Variants in ARHGAP17 observed in about 807,000 individuals in gnomAD.
ARHGAP17 encodes rho GTPase-activating protein 17.
A neutral mutation model predicts 99.5 loss-of-function variants in ARHGAP17; 57 were observed. That is an observed-to-expected ratio of 0.57 (90% confidence interval 0.46 to 0.71). The LOEUF (loss-of-function observed/expected upper bound fraction) is 0.71, where lower values mean the gene tolerates loss of function less well. Among genes scored for constraint, ARHGAP17 ranks in the 30% least tolerant of loss-of-function variants. The probability of loss-of-function intolerance (pLI) is 0.00; values close to 1 mark genes in which losing one functional copy is unlikely to be tolerated. For missense variants in ARHGAP17, 1,000 were observed against 1,122.4 expected, an observed-to-expected ratio of 0.89 and a Z score of 1.56; for synonymous variants, 417 against 429.6, an observed-to-expected ratio of 0.97 and a Z score of 0.36.
intron 1 of ARHGAP17, among the ~76,000 whole-genome samples, chr16:24,979,653 G>A (rs1597445912): frequency 6.6e-6 from 1 of 152,036 alleles, no homozygotes; most frequent in Middle Eastern, 3.4e-3. Context: ...AATCAGAAGG[G>A]GGCATTCCGA....
At chr16:24,973,125 A>G (rs2141332206) in intron 3 of ARHGAP17, among the ~76,000 whole-genome samples, 1 of 152,286 alleles carries the variant, frequency 6.6e-6, no homozygotes, top group Non-Finnish European at 1.5e-5. Context: ...GTGCAGCACC[A>G]TGCCTGGCCA....
At position 24,939,573 on chromosome 16, in the gene ARHGAP17, G is replaced by A; in HGVS notation, c.1515C>T (p.Phe505=). Residue 505 remains phenylalanine, a synonymous_variant, in exon 17 of 20, where the codon TTC becomes TTT. Transcript: ENST00000289968. The stretch of plus-strand genomic sequence containing the variant: ...GAGTGCCACCCCGCCGGTGGGCCTG[G>A]AAGTCCATAAGCTTCACACCAAAGC... The part of the protein sequence containing the change: ...KESFGVKLMD[F]QAHRRGGTLN... 6.2e-7 allele frequency: 1 copy of A among 1,607,330 alleles called. No homozygotes were observed. The highest frequency in any genetic ancestry group is 2.2e-5 in the East Asian group (1 of 44,678).
intron 19 of ARHGAP17, chr16:24,920,477 C>T (rs4788439): frequency 0.14 from 70,314 of 513,354 alleles, 12,835 homozygotes; most frequent in African/African-American, 0.65. Flanking sequence ...TGGGCTCCGA[C>T]GTTGCTTGCT....
At chr16:24,967,437 A>C (rs967318742) in intron 6 of ARHGAP17, among the ~76,000 whole-genome samples, 6 of 152,248 alleles carry the variant, frequency 3.9e-5, no homozygotes, top group African/African-American at 1.4e-4. Flanking sequence ...AGCAGGAAAC[A>C]GGACTGAGGC....
At chr16:24,986,315 A>G (rs1432953325) in intron 1 of ARHGAP17, among the ~76,000 whole-genome samples, 1 of 152,156 alleles carries the variant, frequency 6.6e-6, no homozygotes, top group Non-Finnish European at 1.5e-5. Context: ...CCCAGCACTA[A>G]TAAGTGGGAT....
intron 19 of ARHGAP17, among the ~76,000 whole-genome samples, chr16:24,921,451 TGTG>T (rs2050718323): frequency 6.6e-6 from 1 of 152,198 alleles, no homozygotes; most frequent in Non-Finnish European, 1.5e-5. Flanking sequence ...CCCTACTTGC[TGTG>T]GTGCAAAATG....
rs534666435 is a variant in ARHGAP17, at chr16:25,000,646, G to A, written c.53+14563C>T. On this transcript the variant is annotated intron_variant, in intron 1 of 19. Transcript: ENST00000289968. Reference sequence around the variant, plus strand: ...TTCCTAAAGACTGCCCTGAGATTCAGAGGCTACAATTCAGTCTACTGCCTT... The same window carrying A: ...TTCCTAAAGACTGCCCTGAGATTCAAAGGCTACAATTCAGTCTACTGCCTT... 3.9e-5 allele frequency among the ~76,000 whole-genome samples: 6 copies of A among 152,286 alleles called. No homozygotes were observed. The East Asian group carries it at 1.2e-3, about 29-fold the overall frequency.
At position 24,986,480 on chromosome 16, in the gene ARHGAP17, G is replaced by GA. The variant is rs369534699; in HGVS notation, c.54-7476dup. 1.9e-3 allele frequency among the ~76,000 whole-genome samples: 291 copies of GA among 152,090 alleles called. 2 individuals carry two copies. The highest frequency in any genetic ancestry group is 6.8e-3 in the African/African-American group (283 of 41,496). The stretch of plus-strand genomic sequence containing the variant: ...AAGAATGGTTATTTTAAAATGATTG[G>GA]AAAAAAACAAAATAATAATATTTGG... On this transcript the variant is annotated intron_variant, in intron 1 of 19. Coordinates refer to ENST00000289968, the MANE Select transcript of ARHGAP17 (RefSeq NM_001006634.3).
chr16:24,955,000 C>A (rs894843720), intron 9 of ARHGAP17: 6 of 405,112 alleles, frequency 1.5e-5, no homozygotes, highest in Non-Finnish European at 2.7e-5. Flanking sequence ...TGGCACGCTG[C>A]ACCTGCACCA....
At chr16:24,965,863 T>G (rs528000928) in intron 6 of ARHGAP17, among the ~76,000 whole-genome samples, 1 of 152,248 alleles carries the variant, frequency 6.6e-6, no homozygotes. Context: ...ATGTCTGGCA[T>G]ATAATGGATT....
chr16:25,003,751 G>C (rs79406364), intron 1 of ARHGAP17, among the ~76,000 whole-genome samples: 5,806 of 151,840 alleles, frequency 0.038, 360 homozygotes, highest in African/African-American at 0.13. Context: ...TTGAACCTTG[G>C]AGCAGAGGTT....
At chr16:25,013,720 T>C (rs996081210) in intron 1 of ARHGAP17, 1 of 151,922 alleles carries the variant, frequency 6.6e-6, no homozygotes, top group Admixed American at 6.6e-5. Context: ...GAACTTTGTA[T>C]AAAAAGAGTG....
intron 1 of ARHGAP17, among the ~76,000 whole-genome samples, chr16:25,008,881 A>C (rs2053573565): frequency 1.3e-5 from 2 of 152,202 alleles, no homozygotes; most frequent in African/African-American, 2.4e-5. Flanking sequence ...ACTCAACTAT[A>C]AATACTTCTG....
intron 1 of ARHGAP17, among the ~76,000 whole-genome samples, chr16:25,004,670 T>C (rs1385531819): frequency 6.6e-6 from 1 of 152,158 alleles, no homozygotes; most frequent in African/African-American, 2.4e-5. Flanking sequence ...GGCCAAACCA[T>C]GTGGAAGAAC....
At chr16:25,011,773 G>A (rs2053649681) in intron 1 of ARHGAP17, among the ~76,000 whole-genome samples, 1 of 151,596 alleles carries the variant, frequency 6.6e-6, no homozygotes, top group African/African-American at 2.4e-5. Context: ...AGGCTCTTTT[G>A]GTCACTTATG....
At chr16:25,013,249 G>A (rs2053688420) in intron 1 of ARHGAP17, among the ~76,000 whole-genome samples, 1 of 152,188 alleles carries the variant, frequency 6.6e-6, no homozygotes, top group Non-Finnish European at 1.5e-5. Context: ...AGGCTTCCAG[G>A]AGTTCCAAGT....
intron 18 of ARHGAP17, among the ~76,000 whole-genome samples, chr16:24,934,360 C>T (rs1308523971): frequency 6.6e-6 from 1 of 152,060 alleles, no homozygotes; most frequent in African/African-American, 2.4e-5. Context: ...TGGGGTTTCA[C>T]CATGTTGGCC....
intron 18 of ARHGAP17, among the ~76,000 whole-genome samples, chr16:24,933,703 G>C (rs1164319411): frequency 3.3e-5 from 5 of 151,886 alleles, no homozygotes; most frequent in Admixed American, 2.0e-4. Context: ...GAAATTTAAG[G>C]GTGTGAAGAG....
intron 19 of ARHGAP17, 47 bp from the exon 20 acceptor site, chr16:24,920,307 C>G (rs747354720): frequency 6.2e-7 from 1 of 1,607,358 alleles, no homozygotes; most frequent in Non-Finnish European, 8.5e-7. Context: ...GGGTAACCCC[C>G]GAGAGGCCAC....
Sources: allele counts gnomAD v4.1 joint callset (sites outside exome capture counted in the v4.1 genomes callset), GRCh38; gene constraint gnomAD v4.1.1; transcripts MANE v1.5; gene names NCBI Gene and HGNC (gene_info 2026-07-23, HGNC 2026-07-21).